Variants in IL1RAPL1 observed in about 807,000 individuals in gnomAD.
IL1RAPL1 encodes the protein interleukin 1 receptor accessory protein like 1.
A neutral mutation model predicts 48.4 loss-of-function variants in IL1RAPL1; 3 were observed. The observed-to-expected ratio is 0.06, with a 90% CI of 0.03 to 0.16. The LOEUF (loss-of-function observed/expected upper bound fraction) is 0.16. Ranked by LOEUF, IL1RAPL1 falls within the 10% of genes least tolerant of loss-of-function variation. The pLI, the probability that IL1RAPL1 is intolerant of heterozygous loss-of-function variation, is 1.00. For synonymous variants in IL1RAPL1, 185 were observed against 187.7 expected (o/e 0.99, Z 0.12); for missense variants, 349 against 530.6 (o/e 0.66, Z 3.36).
intron 5 of IL1RAPL1, among the ~76,000 whole-genome samples, chrX:29,630,001 A>T (rs1924721100): frequency 8.9e-6 from 1 of 112,110 alleles, no homozygotes; most frequent in South Asian, 3.7e-4. Flanking sequence ...TGAGTATCTT[A>T]GTCTGCTCAG....
intron 5 of IL1RAPL1, among the ~76,000 whole-genome samples, chrX:29,638,648 A>G (rs941201772): frequency 2.7e-5 from 3 of 111,837 alleles, no homozygotes; most frequent in Non-Finnish European, 3.8e-5. Context: ...GCAAATACAT[A>G]TGGTGGATAT....
intron 2 of IL1RAPL1, among the ~76,000 whole-genome samples, chrX:29,252,210 A>T (rs1449474891): frequency 8.9e-6 from 1 of 112,462 alleles, no homozygotes; most frequent in Non-Finnish European, 1.9e-5. Flanking sequence ...GCACATGTAT[A>T]CATATGTAAC....
chrX:29,284,546 C>T (rs1039567463), intron 3 of IL1RAPL1, among the ~76,000 whole-genome samples: 16 of 111,397 alleles, frequency 1.4e-4, no homozygotes, highest in Non-Finnish European at 2.6e-4. Context: ...AGTTCGAGAC[C>T]GGCCTGGCCA....
chrX:29,276,694 T>C (rs186450432), intron 2 of IL1RAPL1, among the ~76,000 whole-genome samples: 32 of 111,591 alleles, frequency 2.9e-4, no homozygotes, highest in Admixed American at 7.7e-4. Context: ...TTTTTTTTCT[T>C]TTTTAAAGAT....
At chrX:29,514,282 A>G (rs182662138) in intron 5 of IL1RAPL1, among the ~76,000 whole-genome samples, 1 of 112,164 alleles carries the variant, frequency 8.9e-6, no homozygotes, top group Admixed American at 9.5e-5. Flanking sequence ...AACTAAGTAT[A>G]CTAAAATAAA....
At chrX:29,064,850 G>A (rs1208494544) in intron 2 of IL1RAPL1, among the ~76,000 whole-genome samples, 2 of 111,737 alleles carry the variant, frequency 1.8e-5, no homozygotes, top group African/African-American at 6.5e-5. Context: ...CACAATGCCG[G>A]GATTACAGGC....
intron 1 of IL1RAPL1, among the ~76,000 whole-genome samples, chrX:28,758,685 T>A (rs752999728): frequency 9.8e-5 from 11 of 111,793 alleles, no homozygotes; most frequent in Admixed American, 5.7e-4. Flanking sequence ...ATGCTTCTTA[T>A]AAATTAAAAT....
chrX:28,937,915 C>T (rs894505247), intron 2 of IL1RAPL1, among the ~76,000 whole-genome samples: 4 of 111,142 alleles, frequency 3.6e-5, no homozygotes, highest in African/African-American at 6.5e-5. Context: ...ATCCGTGTCA[C>T]AGTTGCCACA....
intron 6 of IL1RAPL1, among the ~76,000 whole-genome samples, chrX:29,733,307 A>G (rs914813269): frequency 1.8e-5 from 2 of 112,021 alleles, no homozygotes. Context: ...AACAAGGACG[A>G]CTTCTTCCTT....
intron 2 of IL1RAPL1, among the ~76,000 whole-genome samples, chrX:28,952,703 G>T (rs1296605202): frequency 2.7e-5 from 3 of 111,285 alleles, no homozygotes; most frequent in African/African-American, 9.8e-5. Flanking sequence ...TGACATCCAT[G>T]TTTGAAAAGA....
At chrX:29,333,810 G>A (rs867979963) in intron 3 of IL1RAPL1, among the ~76,000 whole-genome samples, 2 of 12,654 alleles carry the variant, frequency 1.6e-4, no homozygotes, top group African/African-American at 2.5e-4. Flanking sequence ...CCCCCCCCCC[G>A]CCTCCCTCCC....
intron 2 of IL1RAPL1, among the ~76,000 whole-genome samples, chrX:29,145,150 A>G (rs1242377148): frequency 8.9e-6 from 1 of 112,057 alleles, no homozygotes; most frequent in Non-Finnish European, 1.9e-5. Context: ...GCTTGTCTGA[A>G]ATGAGCTAAT....
At chrX:29,633,146 A>G (rs748183047) in intron 5 of IL1RAPL1, among the ~76,000 whole-genome samples, 13 of 111,534 alleles carry the variant, frequency 1.2e-4, no homozygotes, top group Non-Finnish European at 2.3e-4. Flanking sequence ...ATACATTCAC[A>G]TAATGGAATA....
chrX:29,260,761 A>G (rs1931841152), intron 2 of IL1RAPL1, among the ~76,000 whole-genome samples: 1 of 110,884 alleles, frequency 9.0e-6, no homozygotes, highest in Non-Finnish European at 1.9e-5. Context: ...TTAATAAAAG[A>G]TGAAAAAGTA....
intron 6 of IL1RAPL1, among the ~76,000 whole-genome samples, chrX:29,815,801 A>G (rs1569177837): frequency 1.8e-5 from 2 of 111,038 alleles, no homozygotes; most frequent in African/African-American, 6.5e-5. Context: ...ATCCCTTTGT[A>G]TAAGGGATGT....
chrX:29,777,885 G>GCTT (rs1328982926), intron 6 of IL1RAPL1, among the ~76,000 whole-genome samples: 2 of 108,500 alleles, frequency 1.8e-5, no homozygotes, highest in Non-Finnish European at 3.8e-5. Context: ...GCCAATTCTT[G>GCTT]CTTCATTTTC....
chrX:28,828,440 A>G (rs12389262), intron 2 of IL1RAPL1, among the ~76,000 whole-genome samples: 3,825 of 111,455 alleles, frequency 0.034, 209 homozygotes, highest in African/African-American at 0.12. Context: ...CCCATATTTT[A>G]ATTTGGTTGA....
intron 2 of IL1RAPL1, among the ~76,000 whole-genome samples, chrX:28,863,209 G>A (rs1921990469): frequency 9.0e-6 from 1 of 111,058 alleles, no homozygotes; most frequent in African/African-American, 3.3e-5. Flanking sequence ...ATTAAATTGG[G>A]GACCTGCAAA....
At chrX:28,829,806 C>G (rs1921003147) in intron 2 of IL1RAPL1, among the ~76,000 whole-genome samples, 1 of 110,745 alleles carries the variant, frequency 9.0e-6, no homozygotes, top group Admixed American at 9.6e-5. Context: ...GATCCTCCCA[C>G]CTCGGCCTCC....
Sources: allele counts gnomAD v4.1 joint callset (sites outside exome capture counted in the v4.1 genomes callset), GRCh38; gene constraint gnomAD v4.1.1; transcripts MANE v1.5; gene names NCBI Gene and HGNC (gene_info 2026-07-23, HGNC 2026-07-21).